The following CD1B variants were observed in gnomAD, a reference collection of about 807,000 sequenced individuals.
The protein encoded by CD1B is T-cell surface glycoprotein CD1b.
A neutral mutation model predicts 39.8 loss-of-function variants in CD1B; 43 were observed. The ratio of observed to expected loss-of-function variants is 1.08; its 90% CI spans 0.85 to 1.39. The LOEUF is 1.39. Ranked by LOEUF, CD1B falls within the 40% of genes most tolerant of loss-of-function variation. CD1B has a pLI of 0.00. For missense variants in CD1B, 495 were observed against 403.8 expected, an observed-to-expected ratio of 1.23 and a Z score of -1.94; for synonymous variants, 192 against 152.5, an observed-to-expected ratio of 1.26 and a Z score of -1.91.
At position 158,329,991 on chromosome 1, in the gene CD1B, GC is replaced by G; in HGVS notation, c.467del (p.Gly156AlafsTer10). The G allele has an allele frequency of 6.2e-7, 1 of 1,614,044 alleles. No homozygotes were observed. Among genetic ancestry groups the G allele is most frequent in the Non-Finnish European group, 8.5e-7 (1 of 1,179,998 alleles). ...NASCVPSPEG[G>X]SRAQKFCALI... ...GTGCACAGAATTTCTGTGCCCTGCTGCCACCTTCTGGGGAAGGCACACATGA... is the reference window on the plus strand; with the variant it reads ...GTGCACAGAATTTCTGTGCCCTGCTGCACCTTCTGGGGAAGGCACACATGA... On this transcript the variant is annotated frameshift_variant, in exon 3 of 6. Transcript: ENST00000368168. LOFTEE classifies it high-confidence loss of function.
the CD1B span, among the ~76,000 whole-genome samples, chr1:158,309,544 A>G: frequency 6.6e-6 from 1 of 152,078 alleles, no homozygotes; most frequent in Non-Finnish European, 1.5e-5. Flanking sequence ...ATGTTTATTG[A>G]GGCACTATTC....
the CD1B span, among the ~76,000 whole-genome samples, chr1:158,302,747 C>A: frequency 1.5e-3 from 235 of 152,104 alleles, no homozygotes; most frequent in African/African-American, 5.4e-3. Flanking sequence ...GAAATTGAAA[C>A]CCTGAACAGA....
the CD1B span, among the ~76,000 whole-genome samples, chr1:158,294,929 CTT>C: frequency 6.6e-6 from 1 of 151,990 alleles, no homozygotes. Flanking sequence ...CTGGCAGGGC[CTT>C]TGTCTCCTTG....
At chr1:158,290,594 A>G in the CD1B span, among the ~76,000 whole-genome samples, 1 of 152,108 alleles carries the variant, frequency 6.6e-6, no homozygotes, top group Non-Finnish European at 1.5e-5. Flanking sequence ...GAAATGAGAG[A>G]TTGAGTAGGA....
At chr1:158,320,396 A>G in the CD1B span, among the ~76,000 whole-genome samples, 1 of 152,180 alleles carries the variant, frequency 6.6e-6, no homozygotes, top group Admixed American at 6.5e-5. Flanking sequence ...AAAGCGCAGT[A>G]TTCGGGTGGG....
At chr1:158,327,001 T>G (rs1163877864), downstream of CD1B, among the ~76,000 whole-genome samples, 1 of 152,120 alleles carries the variant, frequency 6.6e-6, no homozygotes, top group Non-Finnish European at 1.5e-5. Flanking sequence ...TTTGCCATGT[T>G]GGTCAGCCTG....
At chr1:158,287,450 A>T in the CD1B span, among the ~76,000 whole-genome samples, 1 of 152,118 alleles carries the variant, frequency 6.6e-6, no homozygotes, top group African/African-American at 2.4e-5. Flanking sequence ...TAGAGGCCCC[A>T]TTTCCAAATA....
chr1:158,329,127 C>CTT, intron 4 of CD1B, 113 bp from the exon 5 acceptor site: 1 of 1,010,362 alleles, frequency 9.9e-7, no homozygotes, highest in South Asian at 1.6e-5. Flanking sequence ...CTTCCTCTCT[C>CTT]ATATTCCTGG....
the CD1B span, among the ~76,000 whole-genome samples, chr1:158,290,839 C>T: frequency 6.6e-6 from 1 of 152,174 alleles, no homozygotes; most frequent in African/African-American, 2.4e-5. Flanking sequence ...ATAGTATGAA[C>T]ATCTCTGTCA....
the CD1B span, chr1:158,292,715 C>A: frequency 6.2e-7 from 1 of 1,614,190 alleles, no homozygotes; most frequent in Non-Finnish European, 8.5e-7. Context: ...GCGGAATGAA[C>A]AGGAGCAACT....
downstream of CD1B, among the ~76,000 whole-genome samples, chr1:158,325,725 A>T (rs1182475699): frequency 6.6e-6 from 1 of 151,882 alleles, no homozygotes; most frequent in Non-Finnish European, 1.5e-5. Flanking sequence ...ATCTTTTTTT[A>T]TTGTGGTAAA....
the CD1B span, among the ~76,000 whole-genome samples, chr1:158,296,053 A>C: frequency 6.6e-6 from 1 of 151,630 alleles, no homozygotes; most frequent in Non-Finnish European, 1.5e-5. Flanking sequence ...CTGCTGCCCC[A>C]CCACCACCAG....
the CD1B span, among the ~76,000 whole-genome samples, chr1:158,316,633 AT>A: frequency 1.3e-5 from 2 of 150,826 alleles, no homozygotes; most frequent in Non-Finnish European, 2.9e-5. Flanking sequence ...TCTTTTCCTA[AT>A]TGAATACCCT....
chr1:158,331,255 C>G (rs1048887879), intron 1 of CD1B, 108 bp downstream of exon 1: 12 of 1,171,134 alleles, frequency 1.0e-5, no homozygotes, highest in East Asian at 4.7e-5. Flanking sequence ...GGGCGGGAGA[C>G]AGAAAGACCC....
At chr1:158,319,300 C>T in the CD1B span, among the ~76,000 whole-genome samples, 1 of 151,996 alleles carries the variant, frequency 6.6e-6, no homozygotes, top group Non-Finnish European at 1.5e-5. Context: ...TTCAGGTACA[C>T]CAATCAGACG....
Position 158,330,884 on chromosome 1 carries a change from C to G in CD1B, c.240G>C (p.Glu80Asp). Reference sequence around the variant, plus strand: ...GGAATATCTCCTCTAACTCAGCAACCTCCTTATCACTAAAGTTACCTTTAG... The same window carrying G: ...GGAATATCTCCTCTAACTCAGCAACGTCCTTATCACTAAAGTTACCTTTAG... ...PWSKGNFSDK[E>D]VAELEEIFRV... is the part of the protein sequence containing the mutation. The change falls in exon 2 of 6, where the codon GAG becomes GAC. Residue 80 changes from glutamate to aspartate, a missense_variant. Coordinates refer to ENST00000368168, the MANE Select transcript of CD1B (RefSeq NM_001764.3). The G allele has an allele frequency of 1.9e-6, 3 of 1,614,022 alleles. No homozygotes were observed. Among genetic ancestry groups the G allele is most frequent in the Non-Finnish European group, 1.7e-6 (2 of 1,179,884 alleles).
At chr1:158,326,253 T>A (rs1195638896), downstream of CD1B, among the ~76,000 whole-genome samples, 1 of 152,110 alleles carries the variant, frequency 6.6e-6, no homozygotes, top group Non-Finnish European at 1.5e-5. Flanking sequence ...ATTACAGGCG[T>A]GAGCCACCAT....
chr1:158,290,045 A>G, the CD1B span: 1 of 1,612,760 alleles, frequency 6.2e-7, no homozygotes, highest in Non-Finnish European at 8.5e-7. Context: ...TTCTGAGAGA[A>G]AGAAACATCT....
the CD1B span, among the ~76,000 whole-genome samples, chr1:158,316,830 C>G: frequency 6.6e-6 from 1 of 151,806 alleles, no homozygotes; most frequent in South Asian, 2.1e-4. Context: ...GAAATACGTC[C>G]CATCAATACC....
Sources: gnomAD v4.1 joint callset for allele counts (sites outside exome capture counted in the v4.1 genomes callset) on GRCh38, gnomAD v4.1.1 for gene constraint, MANE v1.5 for transcripts, NCBI Gene and HGNC (gene_info 2026-07-23, HGNC 2026-07-21) for gene names.